SLC25A30: variants seen among roughly 807,000 people sequenced by gnomAD.
The protein encoded by SLC25A30 is kidney mitochondrial carrier protein 1.
Under a neutral mutation model 42.7 loss-of-function variants are expected in SLC25A30, and 29 were observed. The observed-to-expected ratio is 0.68, with a 90% confidence interval of 0.51 to 0.93. SLC25A30 has a LOEUF of 0.93. Ranked by LOEUF, SLC25A30 falls within the 40% of genes least tolerant of loss-of-function variation. SLC25A30 has a pLI of 0.00. For synonymous variants in SLC25A30, 124 were observed against 131.0 expected (o/e 0.95, Z 0.37); for missense variants, 300 against 359.7 (o/e 0.83, Z 1.34).
chr13:45,420,529 C>T (rs1398328416), upstream of SLC25A30, among the ~76,000 whole-genome samples: 1 of 152,154 alleles, frequency 6.6e-6, no homozygotes, highest in Non-Finnish European at 1.5e-5. Flanking sequence ...CTGTGTGGTA[C>T]TACATACAAA....
intron 2 of SLC25A30, among the ~76,000 whole-genome samples, chr13:45,409,670 G>A (rs373539508): frequency 4.4e-4 from 67 of 152,112 alleles, no homozygotes; most frequent in African/African-American, 1.5e-3. Context: ...TTAGCTGGGC[G>A]TGGTGGCAGG....
At chr13:45,430,748 A>G in the SLC25A30 span, among the ~76,000 whole-genome samples, 2,000 of 152,278 alleles carry the variant, frequency 0.013, 22 homozygotes, top group Non-Finnish European at 0.021. Flanking sequence ...TAGAGGTTGC[A>G]GTGAGCCCAG....
the SLC25A30 span, among the ~76,000 whole-genome samples, chr13:45,424,841 AAT>A: frequency 3.8e-5 from 2 of 52,290 alleles, 1 homozygote; most frequent in Non-Finnish European, 6.3e-5. Context: ...TATATATAAA[AAT>A]ATATATAAAT....
rs1360773435 is a variant in SLC25A30, at chr13:45,394,438, A to G, written c.*1536T>C. 1.0e-6 allele frequency: 1 copy of G among 985,316 alleles called. No homozygotes were observed. The highest frequency in any genetic ancestry group is 1.2e-6 in the Non-Finnish European group (1 of 829,956). The allele number at this position is 985,316 out of a possible 1,614,324, so 61.0% of individuals were successfully genotyped here. On this transcript the variant is annotated 3_prime_UTR_variant, in exon 10 of 10. Coordinates refer to ENST00000519676, the MANE Select transcript of SLC25A30 (RefSeq NM_001010875.4). ...TTCAGTCTCAACAAAGAGACTGGCC[A>G]GACTGGGAATTTGGCCGCACTACTG...
chr13:45,425,954 A>G, the SLC25A30 span, among the ~76,000 whole-genome samples: 1 of 147,996 alleles, frequency 6.8e-6, no homozygotes, highest in South Asian at 2.1e-4. Flanking sequence ...CAGCCTCCCA[A>G]AGTGCTGGGA....
chr13:45,398,052 A>G (rs1881541669), intron 8 of SLC25A30: 1 of 985,314 alleles, frequency 1.0e-6, no homozygotes, highest in South Asian at 4.7e-5. Flanking sequence ...TCTTTGCTTC[A>G]TTAAGGCAAC....
upstream of SLC25A30, among the ~76,000 whole-genome samples, chr13:45,422,200 A>G (rs1883906116): frequency 6.6e-6 from 1 of 152,226 alleles, no homozygotes; most frequent in Admixed American, 6.5e-5. Context: ...TAATTACATT[A>G]AACTACAGGA....
At chr13:45,425,607 TAC>T in the SLC25A30 span, among the ~76,000 whole-genome samples, 5 of 46,364 alleles carry the variant, frequency 1.1e-4, 1 homozygote, top group East Asian at 3.2e-4. Context: ...CATATATATA[TAC>T]ATATATAAAT....
At chr13:45,428,155 T>G in the SLC25A30 span, among the ~76,000 whole-genome samples, 1 of 152,094 alleles carries the variant, frequency 6.6e-6, no homozygotes, top group African/African-American at 2.4e-5. Flanking sequence ...CCCTGGGCAT[T>G]TTTTCTGCCA....
At chr13:45,427,621 C>T in the SLC25A30 span, among the ~76,000 whole-genome samples, 1 of 152,138 alleles carries the variant, frequency 6.6e-6, no homozygotes, top group Non-Finnish European at 1.5e-5. Flanking sequence ...CTGTGATTTT[C>T]CCCCATGCAC....
the SLC25A30 span, among the ~76,000 whole-genome samples, chr13:45,424,652 T>TAGAA: frequency 1.1e-3 from 82 of 72,770 alleles, 8 homozygotes; most frequent in African/African-American, 4.2e-3. Context: ...CATAAATATA[T>TAGAA]ATAAATATAT....
At chr13:45,426,461 G>T in the SLC25A30 span, among the ~76,000 whole-genome samples, 4 of 152,078 alleles carry the variant, frequency 2.6e-5, no homozygotes, top group East Asian at 7.7e-4. Flanking sequence ...TTTCCTCCCG[G>T]GCCCTAAAGA....
rs1291751564 is a variant in SLC25A30, at chr13:45,411,419, C to T, written c.7G>A (p.Ala3Thr). Reference sequence around the variant, plus strand: ...TACACAAACGGCTTCCAGTTGAGGGCTGACATTCTCACACTGTCTCTTCTT... The same window carrying T: ...TACACAAACGGCTTCCAGTTGAGGGTTGACATTCTCACACTGTCTCTTCTT... Reference protein sequence around the residue: MSALNWKPFVYGG... With the variant: MSTLNWKPFVYGG... Residue 3 changes from alanine (A) to threonine (T), a missense_variant, in exon 2 of 10, where the codon GCC (alanine) becomes ACC (threonine). Transcript: ENST00000519676. 1 of 1,614,124 alleles carries T rather than the reference C, an allele frequency of 6.2e-7. No homozygotes were observed. Among genetic ancestry groups the T allele is most frequent in the Non-Finnish European group, 8.5e-7 (1 of 1,179,986 alleles).
chr13:45,425,611 T>TAC, the SLC25A30 span, among the ~76,000 whole-genome samples: 2 of 99,018 alleles, frequency 2.0e-5, no homozygotes, highest in African/African-American at 7.6e-5. Flanking sequence ...TATATATACA[T>TAC]ATATAAATAT....
intron 8 of SLC25A30, 89 bp downstream of exon 8, chr13:45,398,851 T>C (rs772186232): frequency 4.2e-6 from 6 of 1,420,874 alleles, no homozygotes; most frequent in Non-Finnish European, 5.8e-6. Flanking sequence ...TCATTCATCT[T>C]AGTTTTAGTA....
At position 45,397,295 on chromosome 13, in the gene SLC25A30, C is replaced by G. The variant is rs752894409; in HGVS notation, c.797G>C (p.Trp266Ser). 1.2e-6 allele frequency: 2 copies of G among 1,613,122 alleles called. No homozygotes were observed. Among genetic ancestry groups the G allele is most frequent in the Admixed American group, 3.3e-5 (2 of 59,958 alleles). ...AGGACCAAGTCTCAACCAATTTGGC[C>G]AAAAGCCTTTATAGAGAGCAAAAAA... Reference protein sequence around the residue: ...EGFFALYKGFWPNWLRLGPWN... With the variant: ...EGFFALYKGFSPNWLRLGPWN... Residue 266 changes from tryptophan to serine, a missense_variant, in exon 9 of 10, where the codon TGG (tryptophan) becomes TCG (serine). Coordinates refer to ENST00000519676, the MANE Select transcript of SLC25A30 (RefSeq NM_001010875.4).
chr13:45,424,631 ATG>A, the SLC25A30 span, among the ~76,000 whole-genome samples: 96 of 62,044 alleles, frequency 1.5e-3, 7 homozygotes, highest in South Asian at 3.3e-3. Flanking sequence ...ATATATAAAT[ATG>A]TATATAAACA....
At chr13:45,399,671 A>C (rs549022879) in intron 7 of SLC25A30, among the ~76,000 whole-genome samples, 1 of 152,324 alleles carries the variant, frequency 6.6e-6, no homozygotes, top group Non-Finnish European at 1.5e-5. Context: ...AAAGGATCAT[A>C]AAACATAAAG....
intron 3 of SLC25A30, among the ~76,000 whole-genome samples, chr13:45,407,163 C>T (rs892749750): frequency 7.9e-5 from 12 of 152,184 alleles, no homozygotes; most frequent in Admixed American, 1.3e-4. Flanking sequence ...TTTGGGAGGC[C>T]GAGACGGGTG....
Sources: allele counts gnomAD v4.1 joint callset (sites outside exome capture counted in the v4.1 genomes callset), GRCh38; gene constraint gnomAD v4.1.1; transcripts MANE v1.5; gene names NCBI Gene and HGNC (gene_info 2026-07-23, HGNC 2026-07-21).